Variants in GREB1L observed in about 807,000 individuals in gnomAD.
GREB1L encodes GREB1 like retinoic acid receptor coactivator, also known as GREB1-like protein.
A neutral mutation model predicts 200.8 loss-of-function variants in GREB1L; 17 were observed. The ratio of observed to expected loss-of-function variants is 0.08; its 90% CI spans 0.06 to 0.13. The LOEUF (loss-of-function observed/expected upper bound fraction) is 0.13. Ranked by LOEUF, GREB1L falls within the 10% of genes least tolerant of loss-of-function variation. The pLI, the probability that GREB1L is intolerant of heterozygous loss-of-function variation, is 1.00. For missense variants in GREB1L, 1,657 were observed against 2,367.7 expected, an observed-to-expected ratio of 0.70 and a Z score of 6.23; for synonymous variants, 789 against 893.0, an observed-to-expected ratio of 0.88 and a Z score of 2.08.
chr18:21,444,140 G>GC (rs2034075192), intron 10 of GREB1L, 84 bp from the exon 11 acceptor site: 3 of 936,550 alleles, frequency 3.2e-6, no homozygotes, highest in Non-Finnish European at 4.7e-6. Flanking sequence ...TTGTTAAGCA[G>GC]CTTTGATCGT....
At chr18:21,334,630 C>T (rs958715957) in intron 1 of GREB1L, among the ~76,000 whole-genome samples, 9 of 151,992 alleles carry the variant, frequency 5.9e-5, no homozygotes, top group African/African-American at 2.2e-4. Flanking sequence ...AAAAATTAGC[C>T]GGGCATAGTG....
At chr18:21,307,608 C>A (rs1157574746) in intron 1 of GREB1L, among the ~76,000 whole-genome samples, 2 of 152,114 alleles carry the variant, frequency 1.3e-5, no homozygotes, top group East Asian at 3.9e-4. Flanking sequence ...TTGAAGATAT[C>A]TTCCTTTTAC....
intron 1 of GREB1L, among the ~76,000 whole-genome samples, chr18:21,283,896 C>G (rs1007255334): frequency 6.6e-6 from 1 of 152,228 alleles, no homozygotes; most frequent in Non-Finnish European, 1.5e-5. Context: ...ACACTTTCCT[C>G]TGTGCTATAG....
In GREB1L at chr18:21,513,853, T is replaced by A. The variant is rs753776484; in HGVS notation, c.4768T>A (p.Tyr1590Asn). Residue 1590 changes from tyrosine (Y) to asparagine (N), a missense_variant, in exon 28 of 33, where the codon TAT becomes AAT. This residue lies in a region of GREB1L where 151 missense variants were observed against 309.6 expected (regional missense o/e 0.49). Transcript: ENST00000424526. ...AARFLIKELSYHNLELERNRL... is the reference protein window; with the variant it reads ...AARFLIKELSNHNLELERNRL... ...CAGGTTCCTCATCAAGGAGCTATCATATCACAACCTAGAATTGGAGAGAAA... is the reference window on the plus strand; with the variant it reads ...CAGGTTCCTCATCAAGGAGCTATCAAATCACAACCTAGAATTGGAGAGAAA... 70 of 1,551,652 alleles carry A rather than the reference T, an allele frequency of 4.5e-5. 1 individual carries two copies. The South Asian group carries it at 7.7e-4, about 17-fold the overall frequency.
At chr18:21,342,033 T>C (rs1265686496) in intron 1 of GREB1L, among the ~76,000 whole-genome samples, 3 of 152,158 alleles carry the variant, frequency 2.0e-5, no homozygotes, top group Admixed American at 6.6e-5. Flanking sequence ...GGAAAGATTT[T>C]CATTATTAAA....
At chr18:21,313,435 C>G (rs879731408) in intron 1 of GREB1L, among the ~76,000 whole-genome samples, 1 of 152,178 alleles carries the variant, frequency 6.6e-6, no homozygotes, top group African/African-American at 2.4e-5. Context: ...ATCCTTAAGA[C>G]AACCTGGCAA....
intron 7 of GREB1L, among the ~76,000 whole-genome samples, chr18:21,408,928 G>A (rs2030623469): frequency 6.6e-6 from 1 of 152,044 alleles, no homozygotes; most frequent in Non-Finnish European, 1.5e-5. Context: ...GGAATGCATT[G>A]GTAAAATGTG....
chr18:21,336,914 CT>C (rs1327810698), intron 1 of GREB1L, among the ~76,000 whole-genome samples: 1 of 152,184 alleles, frequency 6.6e-6, no homozygotes, highest in Non-Finnish European at 1.5e-5. Flanking sequence ...AACTCTTCTC[CT>C]TTCTGGTTTA....
intron 2 of GREB1L, among the ~76,000 whole-genome samples, chr18:21,381,157 G>T (rs2040293117): frequency 6.6e-6 from 1 of 152,200 alleles, no homozygotes; most frequent in Non-Finnish European, 1.5e-5. Flanking sequence ...CAGGAGAATG[G>T]CGTGAACCTG....
In GREB1L at chr18:21,441,474, G is replaced by A; in HGVS notation, c.1144G>A (p.Glu382Lys). ...ILQPRPIPAG[E>K]TVIVPENLLS... ...ACAACCCAGGCCCATTCCTGCAGGG[G>A]AAACTGTAATTGTTCCTGAAAACCT... The change falls in exon 10 of 33, where the codon GAA becomes AAA. Residue 382 changes from glutamate to lysine, a missense_variant. Glu to Lys is a moderately conservative substitution (Grantham distance 56, BLOSUM62 1). This residue lies in a region of GREB1L where 289 missense variants were observed against 345.1 expected (regional missense o/e 0.84). Coordinates refer to ENST00000424526, the MANE Select transcript of GREB1L (RefSeq NM_001142966.3). 3 of 1,551,466 alleles carry A rather than the reference G, an allele frequency of 1.9e-6. No individual in the cohort carries two copies. The highest frequency in any genetic ancestry group is 2.6e-6 in the Non-Finnish European group (3 of 1,146,780).
At chr18:21,427,230 G>A (rs762392242) in intron 7 of GREB1L, among the ~76,000 whole-genome samples, 1 of 152,082 alleles carries the variant, frequency 6.6e-6, no homozygotes, top group Non-Finnish European at 1.5e-5. Flanking sequence ...GTGGCCAGAT[G>A]TGGTGGCTCA....
intron 7 of GREB1L, among the ~76,000 whole-genome samples, chr18:21,410,384 G>A (rs1469506038): frequency 6.6e-6 from 1 of 151,972 alleles, no homozygotes; most frequent in Non-Finnish European, 1.5e-5. Flanking sequence ...AGGCCAGCAC[G>A]GTGGCTCATG....
chr18:21,388,686 A>G (rs1207258121), intron 4 of GREB1L, among the ~76,000 whole-genome samples: 1 of 151,682 alleles, frequency 6.6e-6, no homozygotes, highest in African/African-American at 2.4e-5. Context: ...CTGGGACTAC[A>G]GGCTCCCATC....
chr18:21,249,860 TA>T (rs78648006), intron 1 of GREB1L, among the ~76,000 whole-genome samples: 2,114 of 134,272 alleles, frequency 0.016, 25 homozygotes, highest in African/African-American at 0.04. Flanking sequence ...ACTCTGTCTT[TA>T]AAAAAAAAAA....
chr18:21,403,779 A>AC, intron 6 of GREB1L, 93 bp from the exon 7 acceptor site: 1 of 1,087,172 alleles, frequency 9.2e-7, no homozygotes, highest in Non-Finnish European at 1.3e-6. Flanking sequence ...AGGAGCAGCG[A>AC]TTTAATTTAG....
At chr18:21,422,715 G>A (rs1377745465) in intron 7 of GREB1L, among the ~76,000 whole-genome samples, 2 of 151,946 alleles carry the variant, frequency 1.3e-5, no homozygotes, top group Non-Finnish European at 2.9e-5. Flanking sequence ...ATATTGTTTT[G>A]AAACAATGTA....
chr18:21,452,239 A>C, intron 14 of GREB1L, 22 bp downstream of exon 14: 1 of 1,549,886 alleles, frequency 6.5e-7, no homozygotes, highest in South Asian at 1.2e-5. Flanking sequence ...TCAGACCAAG[A>C]GGAGGAAGTC....
At chr18:21,448,235 G>A (rs1031742676) in intron 11 of GREB1L, among the ~76,000 whole-genome samples, 6 of 151,082 alleles carry the variant, frequency 4.0e-5, no homozygotes, top group Admixed American at 1.3e-4. Context: ...TTCTTGCCCT[G>A]TTTCCATGTA....
intron 1 of GREB1L, among the ~76,000 whole-genome samples, chr18:21,276,035 G>A (rs2038157397): frequency 6.6e-6 from 1 of 152,156 alleles, no homozygotes; most frequent in Admixed American, 6.5e-5. Context: ...TTTAGCTTCA[G>A]GAGAATGGAC....
Sources: allele counts gnomAD v4.1 joint callset (sites outside exome capture counted in the v4.1 genomes callset), GRCh38; gene constraint gnomAD v4.1.1; regional missense constraint gnomAD v4.1.1; transcripts MANE v1.5; gene names NCBI Gene and HGNC (gene_info 2026-07-23, HGNC 2026-07-21).